Variants in FAM178B observed in about 807,000 individuals in gnomAD.
FAM178B encodes the protein protein FAM178B.
A neutral mutation model predicts 91.7 loss-of-function variants in FAM178B; 82 were observed. That is an observed-to-expected ratio of 0.89 (90% CI 0.75 to 1.07). The LOEUF is 1.07. Ranked by LOEUF, FAM178B falls within the 50% of genes least tolerant of loss-of-function variation. FAM178B has a pLI of 0.00. For missense variants in FAM178B, 769 were observed against 846.7 expected (o/e 0.91, Z 1.14); for synonymous variants, 368 against 359.4 (o/e 1.02, Z -0.27).
Position 96,921,628 on chromosome 2 carries a change from C to A in FAM178B, c.1314G>T (p.Gln438His). The A allele has an allele frequency of 1.3e-6, 2 of 1,551,512 alleles. No individual in the cohort carries two copies. The highest frequency in any genetic ancestry group is 1.7e-6 in the Non-Finnish European group (2 of 1,146,994). Reference protein sequence around the residue: ...YKFLALCAQAQPGAYTDENLM... With the variant: ...YKFLALCAQAHPGAYTDENLM... ...GGTTCTCATCAGTGTAGGCCCCCGG[C>A]TGGGCCTGGGCACACAGCGCCAGAA... is the stretch of plus-strand genomic sequence containing the variant. Residue 438 changes from glutamine (Q) to histidine (H), a missense_variant, in exon 11 of 17, where the codon CAG becomes CAT. Coordinates refer to ENST00000490605, the MANE Select transcript of FAM178B (RefSeq NM_001122646.3).
At chr2:96,930,681 C>G (rs2153371729) in intron 8 of FAM178B, among the ~76,000 whole-genome samples, 1 of 152,320 alleles carries the variant, frequency 6.6e-6, no homozygotes, top group Middle Eastern at 3.4e-3. Context: ...AAGTACTACA[C>G]AGCTAAGAGG....
At chr2:96,954,655 C>G (rs1042313533) in intron 6 of FAM178B, among the ~76,000 whole-genome samples, 4 of 152,242 alleles carry the variant, frequency 2.6e-5, no homozygotes, top group Non-Finnish European at 4.4e-5. Flanking sequence ...GGGCCTTTGC[C>G]AAGTTACTCA....
At position 96,893,929 on chromosome 2, in the gene FAM178B, G is replaced by A; in HGVS notation, c.1773C>T (p.His591=). 1 of 1,611,930 alleles carries A rather than the reference G, an allele frequency of 6.2e-7. No individual in the cohort carries two copies. The highest frequency in any genetic ancestry group is 2.2e-5 in the East Asian group (1 of 44,822). The part of the protein sequence containing the change: ...QQPKASAELD[H]KACYLCHSLL... ...CGGGTGCTGGGTGCTCACTCACCTT[G>A]TGGTCTAGCTCGGCACTAGCCTTTG... is the stretch of plus-strand genomic sequence containing the variant. Residue 591 remains histidine (H), a synonymous_variant, in exon 14 of 17, where the codon CAC becomes CAT. Coordinates refer to ENST00000490605, the MANE Select transcript of FAM178B (RefSeq NM_001122646.3).
intron 12 of FAM178B, among the ~76,000 whole-genome samples, chr2:96,910,817 G>C (rs941408163): frequency 4.6e-5 from 4 of 87,622 alleles, no homozygotes; most frequent in Non-Finnish European, 9.2e-5. Context: ...TTTTTTTTTT[G>C]AGACAGTCTT....
At chr2:96,888,391 G>C (rs1436923852) in intron 14 of FAM178B, among the ~76,000 whole-genome samples, 2 of 152,266 alleles carry the variant, frequency 1.3e-5, no homozygotes, top group Non-Finnish European at 2.9e-5. Flanking sequence ...GGAAGGCAGA[G>C]AGCATGGCGA....
intron 1 of FAM178B, among the ~76,000 whole-genome samples, chr2:96,977,540 G>C (rs1166368732): frequency 6.6e-6 from 1 of 150,892 alleles, no homozygotes. Context: ...GATGAGTCTG[G>C]AACATTTGCC....
At chr2:96,901,176 C>CTTTTTTT (rs1195230304) in intron 13 of FAM178B, among the ~76,000 whole-genome samples, 1 of 132,470 alleles carries the variant, frequency 7.5e-6, no homozygotes, top group Non-Finnish European at 1.6e-5. Flanking sequence ...ATTCTTTTTT[C>CTTTTTTT]TTTTTTTTTT....
At chr2:96,905,818 G>GTGTGTA (rs1260782317) in intron 12 of FAM178B, among the ~76,000 whole-genome samples, 2 of 34,200 alleles carry the variant, frequency 5.8e-5, no homozygotes, top group African/African-American at 2.0e-4. Context: ...ATATATGTGT[G>GTGTGTA]TATATATATA....
chr2:96,907,608 G>A (rs13422420), intron 12 of FAM178B, among the ~76,000 whole-genome samples: 1,582 of 152,328 alleles, frequency 0.01, 43 homozygotes, highest in African/African-American at 0.036. Context: ...GCCTCCACAA[G>A]ACCAGGACAC....
chr2:96,938,781 A>T (rs73959416), intron 8 of FAM178B: 30,795 of 152,382 alleles, frequency 0.2, 5,521 homozygotes, highest in African/African-American at 0.48. Context: ...ACCATCAACT[A>T]TGACTAAAGC....
At chr2:96,932,635 G>A (rs2081559325) in intron 8 of FAM178B, among the ~76,000 whole-genome samples, 1 of 152,168 alleles carries the variant, frequency 6.6e-6, no homozygotes, top group Non-Finnish European at 1.5e-5. Flanking sequence ...GGAACACTGT[G>A]TCTTTTAAAA....
At chr2:96,970,336 C>T (rs1242803351) in intron 4 of FAM178B, among the ~76,000 whole-genome samples, 1 of 152,208 alleles carries the variant, frequency 6.6e-6, no homozygotes, top group Non-Finnish European at 1.5e-5. Context: ...TAGGAAGTCC[C>T]GTCTGCCCAG....
chr2:96,979,125 C>T lies in FAM178B; in HGVS notation c.74-6519G>A, dbSNP rs187950971. ...CTGAGTAGCTGGGACTACAGACACA[C>T]ACCACCATGCCTGGCTAATTTTTTG... On this transcript the variant is annotated intron_variant, in intron 1 of 16. Coordinates refer to ENST00000490605, the MANE Select transcript of FAM178B (RefSeq NM_001122646.3). Among the ~76,000 whole-genome samples, 342 of 151,110 alleles carry T rather than the reference C, an allele frequency of 2.3e-3. 1 individual carries two copies. The highest frequency in any genetic ancestry group is 7.4e-3 in the African/African-American group (305 of 41,168).
At chr2:96,902,880 ACT>A (rs1188055754) in intron 12 of FAM178B, among the ~76,000 whole-genome samples, 173 bp from the exon 13 acceptor site, 1 of 152,122 alleles carries the variant, frequency 6.6e-6, no homozygotes, top group Non-Finnish European at 1.5e-5. Flanking sequence ...GAGGAATGAA[ACT>A]CTCATGATCA....
In FAM178B at chr2:96,903,604, G is replaced by A. The variant is rs913256357; in HGVS notation, c.1563-897C>T. Among the ~76,000 whole-genome samples, 11 of 152,346 alleles carry A rather than the reference G, an allele frequency of 7.2e-5. No individual in the cohort carries two copies. The South Asian group carries it at 8.3e-4, about 11-fold the overall frequency. ...GCATGCAGGCCTTTCCAGCAGGGCC[G>A]CCACTACAGCCACTGGTGGCCATCC... On this transcript the variant is annotated intron_variant, in intron 12 of 16. Coordinates refer to ENST00000490605, the MANE Select transcript of FAM178B (RefSeq NM_001122646.3).
intron 12 of FAM178B, among the ~76,000 whole-genome samples, chr2:96,903,401 G>C (rs1378468296): frequency 6.6e-6 from 1 of 152,210 alleles, no homozygotes; most frequent in Non-Finnish European, 1.5e-5. Context: ...TGCAGGGTGG[G>C]GGAGGCTGGG....
intron 14 of FAM178B, among the ~76,000 whole-genome samples, chr2:96,892,492 G>T (rs1264109813): frequency 6.6e-6 from 1 of 152,134 alleles, no homozygotes; most frequent in Non-Finnish European, 1.5e-5. Flanking sequence ...CCAACCAGGG[G>T]GAGGCTTTCA....
intron 7 of FAM178B, 150 bp downstream of exon 7, chr2:96,951,229 A>G: frequency 1.6e-6 from 1 of 631,162 alleles, no homozygotes; most frequent in Non-Finnish European, 2.9e-6. Flanking sequence ...ATCGATGCCC[A>G]ATCAGCTCTC....
intron 3 of FAM178B, among the ~76,000 whole-genome samples, chr2:96,971,289 CT>C (rs2082214055): frequency 7.1e-6 from 1 of 140,634 alleles, no homozygotes; most frequent in Non-Finnish European, 1.6e-5. Flanking sequence ...CCTTCCCTCT[CT>C]CCCACCTCCC....
Sources: gnomAD v4.1 joint callset for allele counts (sites outside exome capture counted in the v4.1 genomes callset) on GRCh38, gnomAD v4.1.1 for gene constraint, MANE v1.5 for transcripts, NCBI Gene and HGNC (gene_info 2026-07-23, HGNC 2026-07-21) for gene names.